The following TATDN3 variants were observed in gnomAD, a reference collection of about 807,000 sequenced individuals.
The protein encoded by TATDN3 is deoxyribonuclease TATDN3.
Under a neutral mutation model 40.1 loss-of-function variants are expected in TATDN3, and 29 were observed. The ratio of observed to expected loss-of-function variants is 0.72; its 90% CI spans 0.54 to 0.99. The LOEUF is 0.99. Ranked by LOEUF, TATDN3 falls within the 50% of genes least tolerant of loss-of-function variation. TATDN3 has a pLI of 0.00. For missense variants in TATDN3, 309 were observed against 321.9 expected, an observed-to-expected ratio of 0.96 and a Z score of 0.31; for synonymous variants, 105 against 117.0, an observed-to-expected ratio of 0.90 and a Z score of 0.66.
At position 212,791,974 on chromosome 1, in the gene TATDN3, C is replaced by T. The variant is rs1317276296; in HGVS notation, c.53C>T (p.Pro18Leu). ...LVDCHCHLSAPDFDRDLDDVL... is the reference protein window; with the variant it reads ...LVDCHCHLSALDFDRDLDDVL... ...GACTGTCACTGCCACCTCTCCGCCC[C>T]GGACTTTGACCGCGTATGTGAGGGC... The change falls in exon 1 of 10, where the codon CCG (proline) becomes CTG (leucine). Residue 18 changes from proline (P) to leucine (L), a missense_variant. Pro to Leu is a moderately conservative substitution (Grantham distance 98, BLOSUM62 -3). Coordinates refer to ENST00000366974, the MANE Select transcript of TATDN3 (RefSeq NM_001042552.3). The T allele has an allele frequency of 1.2e-6, 2 of 1,614,086 alleles. No homozygotes were observed. The highest frequency in any genetic ancestry group is 2.2e-5 in the East Asian group (1 of 44,866).
At chr1:212,808,713 G>A (rs1363718996) in intron 8 of TATDN3, among the ~76,000 whole-genome samples, 1 of 152,048 alleles carries the variant, frequency 6.6e-6, no homozygotes, top group Admixed American at 6.6e-5. Flanking sequence ...ATAAAAAGAC[G>A]CTCAACCTCA....
At chr1:212,814,308 T>A (rs1051440119) in intron 9 of TATDN3, among the ~76,000 whole-genome samples, 5 of 152,226 alleles carry the variant, frequency 3.3e-5, no homozygotes, top group African/African-American at 7.2e-5. Context: ...AAGTGCATTT[T>A]AAAAATTTTA....
chr1:212,797,780 A>T (rs1340502589), intron 4 of TATDN3: 1 of 152,382 alleles, frequency 6.6e-6, no homozygotes. Context: ...CTTTGAACAT[A>T]GAACCATTGT....
Position 212,791,991 on chromosome 1 carries a change from T to A in TATDN3, c.66+4T>A. 6.2e-7 allele frequency: 1 copy of A among 1,613,964 alleles called. No homozygotes were observed. Among genetic ancestry groups the A allele is most frequent in the Non-Finnish European group, 8.5e-7 (1 of 1,179,906 alleles). On this transcript the variant is annotated splice_donor_region_variant and intron_variant, in intron 1 of 9. Coordinates refer to ENST00000366974, the MANE Select transcript of TATDN3 (RefSeq NM_001042552.3). ...CTCCGCCCCGGACTTTGACCGCGTA[T>A]GTGAGGGCGATACGGGACCAGAGGG...
At chr1:212,805,251 G>A (rs777117835) in intron 7 of TATDN3, among the ~76,000 whole-genome samples, 19 of 140,012 alleles carry the variant, frequency 1.4e-4, no homozygotes, top group Non-Finnish European at 2.1e-4. Flanking sequence ...ATGAGCCACC[G>A]TGCCCACCCT....
chr1:212,797,380 A>G, intron 4 of TATDN3, 184 bp downstream of exon 4: 1 of 568,510 alleles, frequency 1.8e-6, no homozygotes, highest in South Asian at 2.3e-5. Flanking sequence ...GAAACAGCCT[A>G]GAGGTTCAGA....
chr1:212,802,663 T>C, intron 4 of TATDN3, 38 bp from the exon 5 acceptor site: 7 of 1,430,618 alleles, frequency 4.9e-6, no homozygotes, highest in South Asian at 1.1e-5. Context: ...TAGCAGTTCC[T>C]TTCTTCCATT....
chr1:212,802,117 G>A lies in TATDN3; in HGVS notation c.259-584G>A, dbSNP rs567137257. Among the ~76,000 whole-genome samples the A allele has an allele frequency of 2.6e-5, 4 of 152,278 alleles. No homozygotes were observed. The South Asian group carries it at 8.3e-4, about 32-fold the overall frequency. On this transcript the variant is annotated intron_variant, in intron 4 of 9. Transcript: ENST00000366974. The stretch of plus-strand genomic sequence containing the variant: ...GGGCAAATTCTCCTCAGTGGAAAAG[G>A]TAATATCATTGAAACTAATGGTACA...
At chr1:212,810,748 T>G (rs920555079) in intron 8 of TATDN3, among the ~76,000 whole-genome samples, 2 of 152,082 alleles carry the variant, frequency 1.3e-5, no homozygotes, top group Admixed American at 1.3e-4. Context: ...AAGTGGATGT[T>G]AGAAAGAAAC....
At chr1:212,800,263 T>A (rs956372656) in intron 4 of TATDN3, among the ~76,000 whole-genome samples, 1 of 152,150 alleles carries the variant, frequency 6.6e-6, no homozygotes, top group Non-Finnish European at 1.5e-5. Context: ...AGTACTAGCA[T>A]TGGAGGTAGA....
At chr1:212,796,690 G>T in intron 3 of TATDN3, 100 bp downstream of exon 3, 1 of 850,706 alleles carries the variant, frequency 1.2e-6, no homozygotes, top group Non-Finnish European at 1.8e-6. Context: ...AGAATAAAGA[G>T]GAAAAAGCAT....
chr1:212,792,026 GC>G, intron 1 of TATDN3, 39 bp downstream of exon 1: 2 of 1,600,678 alleles, frequency 1.2e-6, no homozygotes, highest in Non-Finnish European at 1.7e-6. Flanking sequence ...GAGCAGGGAG[GC>G]CCCCGTCCTT....
chr1:212,798,561 AAAG>A (rs1178384152), intron 4 of TATDN3, among the ~76,000 whole-genome samples: 97 of 151,744 alleles, frequency 6.4e-4, no homozygotes, highest in African/African-American at 2.3e-3. Flanking sequence ...AAAAAAAAGA[AAAG>A]AAAATTCATT....
At chr1:212,806,005 T>G (rs1053060653) in intron 7 of TATDN3, among the ~76,000 whole-genome samples, 1 of 152,190 alleles carries the variant, frequency 6.6e-6, no homozygotes, top group Non-Finnish European at 1.5e-5. Flanking sequence ...CTCACTTATG[T>G]TCAGAACCGT....
rs1663125431 is a variant in TATDN3, at chr1:212,815,300, G to A, written c.*144G>A. On this transcript the variant is annotated 3_prime_UTR_variant, in exon 10 of 10. Transcript: ENST00000366974. ...TAATTGTAGAGAAATATTTCTCTTA[G>A]AAATAAAACTGGGCTTGGATCCTGA... 6 of 1,000,930 alleles carry A rather than the reference G, an allele frequency of 6.0e-6. No homozygotes were observed. Among genetic ancestry groups the A allele is most frequent in the Non-Finnish European group, 8.1e-6 (6 of 738,300 alleles). The allele number at this position is 1,000,930 out of a possible 1,614,324, so 62.0% of individuals were successfully genotyped here. A position where few individuals can be genotyped will look rare whatever the true frequency, so the allele number is the denominator to read the frequency against.
chr1:212,797,867 C>T (rs976628925), intron 4 of TATDN3, among the ~76,000 whole-genome samples: 4 of 152,164 alleles, frequency 2.6e-5, no homozygotes, highest in Admixed American at 6.5e-5. Flanking sequence ...CACTGACTCA[C>T]GATAGTTGGT....
chr1:212,809,608 C>CG (rs773306906), intron 8 of TATDN3, among the ~76,000 whole-genome samples: 4 of 150,874 alleles, frequency 2.7e-5, no homozygotes, highest in South Asian at 4.2e-4. Flanking sequence ...GGCGTGAACC[C>CG]GGGGGGGCAG....
chr1:212,794,542 G>A, intron 1 of TATDN3: 1 of 321,822 alleles, frequency 3.1e-6, no homozygotes, highest in Non-Finnish European at 6.2e-6. Context: ...AATGAGCCGA[G>A]ATCGCACCAT....
Position 212,797,411 on chromosome 1 carries a change from A to G in TATDN3, c.258+215A>G. The G allele has an allele frequency of 5.7e-6, 3 of 529,358 alleles. No homozygotes were observed. In the South Asian group the frequency reaches 7.3e-5, roughly 13 times the overall value. 32.8% of individuals were successfully genotyped at this position (529,358 alleles called of 1,614,324 possible). A position where few individuals can be genotyped will look rare whatever the true frequency, so the allele number is the denominator to read the frequency against. On this transcript the variant is annotated intron_variant, in intron 4 of 9. Transcript: ENST00000366974. ...TCAGAAACAAAGGAATCATTAGTTA[A>G]GTTGTAGAGTGTTAAATATAATGCA...
Sources: allele counts gnomAD v4.1 joint callset (sites outside exome capture counted in the v4.1 genomes callset), GRCh38; gene constraint gnomAD v4.1.1; transcripts MANE v1.5; gene names NCBI Gene and HGNC (gene_info 2026-07-23, HGNC 2026-07-21).